The following PTPRM variants were observed in gnomAD, a reference collection of about 807,000 sequenced individuals.
PTPRM encodes the protein receptor-type tyrosine-protein phosphatase mu.
Under a neutral mutation model 186.7 loss-of-function variants are expected in PTPRM, and 47 were observed. That is an observed-to-expected ratio of 0.25 (90% confidence interval 0.20 to 0.32). The LOEUF is 0.32. Ranked by LOEUF, PTPRM falls within the 10% of genes least tolerant of loss-of-function variation. The pLI is 1.00. For missense variants in PTPRM, 1,494 were observed against 1,865.0 expected (o/e 0.80, Z 3.66); for synonymous variants, 668 against 674.9 (o/e 0.99, Z 0.16).
intron 19 of PTPRM, among the ~76,000 whole-genome samples, chr18:8,276,594 A>G (rs1449358902): frequency 1.3e-5 from 2 of 152,202 alleles, no homozygotes; most frequent in Non-Finnish European, 2.9e-5. Context: ...TCATTTAAGC[A>G]TCAGCACAGC....
chr18:8,283,038 A>G (rs2094920303), intron 19 of PTPRM, among the ~76,000 whole-genome samples: 1 of 152,214 alleles, frequency 6.6e-6, no homozygotes, highest in African/African-American at 2.4e-5. Flanking sequence ...AGAGAGATGA[A>G]CAGTAGACTA....
intron 19 of PTPRM, among the ~76,000 whole-genome samples, chr18:8,267,185 T>C (rs1017591086): frequency 6.6e-6 from 1 of 152,194 alleles, no homozygotes; most frequent in Non-Finnish European, 1.5e-5. Flanking sequence ...AATATTTTAC[T>C]TGGCTGATTA....
rs145691670 is a variant in PTPRM, at chr18:8,328,029, C to G, written c.2956+8815C>G. ...GGAAATATTTACAGAGCCTCAAACA[C>G]TGCACAACAGTTCAAACTTTGTTGT... On this transcript the variant is annotated intron_variant, in intron 22 of 32. Coordinates refer to ENST00000580170, the MANE Select transcript of PTPRM (RefSeq NM_001105244.2). 2.7e-3 allele frequency among the ~76,000 whole-genome samples: 416 copies of G among 152,344 alleles called. 2 individuals carry two copies. Among genetic ancestry groups the G allele is most frequent in the African/African-American group, 9.3e-3 (387 of 41,592 alleles).
At chr18:7,577,358 T>C (rs781511560) in intron 1 of PTPRM, among the ~76,000 whole-genome samples, 6 of 152,228 alleles carry the variant, frequency 3.9e-5, no homozygotes, top group Non-Finnish European at 8.8e-5. Context: ...TGAAATTTAC[T>C]ATGCAGTAGA....
intron 9 of PTPRM, among the ~76,000 whole-genome samples, chr18:8,079,523 CTG>C (rs1270825324): frequency 1.3e-5 from 2 of 152,044 alleles, no homozygotes; most frequent in Non-Finnish European, 1.5e-5. Flanking sequence ...AAGGTAGAAA[CTG>C]TAGTGCAAAT....
At chr18:7,973,711 AT>A (rs1415402037) in intron 7 of PTPRM, among the ~76,000 whole-genome samples, 1 of 152,132 alleles carries the variant, frequency 6.6e-6, no homozygotes, top group African/African-American at 2.4e-5. Flanking sequence ...TTTATCAATT[AT>A]ATCTTTTAGG....
chr18:8,021,317 G>GACACACACAC (rs35335855), intron 7 of PTPRM, among the ~76,000 whole-genome samples: 1 of 142,874 alleles, frequency 7.0e-6, no homozygotes, highest in Admixed American at 7.1e-5. Context: ...GCATAAAAGA[G>GACACACACAC]ACACACACAC....
At chr18:8,091,736 C>T (rs1232101318) in intron 11 of PTPRM, among the ~76,000 whole-genome samples, 2 of 151,806 alleles carry the variant, frequency 1.3e-5, no homozygotes, top group Non-Finnish European at 2.9e-5. Flanking sequence ...TGTATAGTAC[C>T]CTCTAACTAA....
intron 19 of PTPRM, among the ~76,000 whole-genome samples, chr18:8,287,561 G>A (rs1473966164): frequency 6.6e-6 from 1 of 152,214 alleles, no homozygotes; most frequent in Non-Finnish European, 1.5e-5. Context: ...AAGGAAGGGA[G>A]CAGCTGAATT....
intron 13 of PTPRM, among the ~76,000 whole-genome samples, chr18:8,117,745 T>C (rs750049071): frequency 6.6e-6 from 1 of 152,178 alleles, no homozygotes; most frequent in African/African-American, 2.4e-5. Flanking sequence ...ATATTCTCTC[T>C]TGAGTTAAAA....
intron 7 of PTPRM, among the ~76,000 whole-genome samples, chr18:8,061,789 A>T: frequency 9.3e-6 from 1 of 107,036 alleles, no homozygotes; most frequent in African/African-American, 3.8e-5. Flanking sequence ...ATTGGCTCCC[A>T]CTCTCTTCTG....
chr18:8,199,406 G>A (rs1028306116), intron 14 of PTPRM, among the ~76,000 whole-genome samples: 5 of 152,130 alleles, frequency 3.3e-5, no homozygotes, highest in East Asian at 1.9e-4. Context: ...AAAAGAGAAC[G>A]TTTACACCCT....
chr18:8,019,106 A>G (rs1227394069), intron 7 of PTPRM, among the ~76,000 whole-genome samples: 1 of 152,206 alleles, frequency 6.6e-6, no homozygotes, highest in Non-Finnish European at 1.5e-5. Flanking sequence ...TTCTAGATAG[A>G]TAGTGTCATC....
chr18:8,042,155 G>GA (rs918310664), intron 7 of PTPRM, among the ~76,000 whole-genome samples: 3 of 152,010 alleles, frequency 2.0e-5, no homozygotes, highest in African/African-American at 7.2e-5. Context: ...GGTAATTTAA[G>GA]AAAAAATATA....
intron 2 of PTPRM, among the ~76,000 whole-genome samples, chr18:7,877,869 A>G (rs1402789371): frequency 6.6e-6 from 1 of 152,180 alleles, no homozygotes; most frequent in Non-Finnish European, 1.5e-5. Context: ...TCATAAGGTC[A>G]CAGAACTAGC....
chr18:8,341,613 G>C (rs951021660), intron 22 of PTPRM, among the ~76,000 whole-genome samples: 2 of 152,036 alleles, frequency 1.3e-5, no homozygotes, highest in Non-Finnish European at 2.9e-5. Flanking sequence ...TCATCCACTA[G>C]AGCCATTGTC....
chr18:7,926,465 G>A (rs113840815), intron 4 of PTPRM, 103 bp from the exon 5 acceptor site: 1 of 629,918 alleles, frequency 1.6e-6, no homozygotes, highest in Non-Finnish European at 2.5e-6. Flanking sequence ...TTTTCCCAAG[G>A]TGAACAAAAT....
At position 8,303,742 on chromosome 18, in the gene PTPRM, T is replaced by A. The variant is rs530346595; in HGVS notation, c.2842+7287T>A. The stretch of plus-strand genomic sequence containing the variant: ...ACCAACAGGAAGAGGAAAATTCATA[T>A]GGAGCCACCATCATCGAACTCAAAC... On this transcript the variant is annotated intron_variant, in intron 20 of 32. Transcript: ENST00000580170. 5.3e-5 allele frequency among the ~76,000 whole-genome samples: 8 copies of A among 152,282 alleles called. No individual in the cohort carries two copies. The South Asian group carries it at 1.7e-3, about 32-fold the overall frequency.
At chr18:8,287,465 GTTTA>G (rs2094969423) in intron 19 of PTPRM, among the ~76,000 whole-genome samples, 1 of 152,156 alleles carries the variant, frequency 6.6e-6, no homozygotes, top group Non-Finnish European at 1.5e-5. Context: ...TCTGGGACAA[GTTTA>G]TAAACTGGAG....
Sources: allele counts gnomAD v4.1 joint callset (sites outside exome capture counted in the v4.1 genomes callset), GRCh38; gene constraint gnomAD v4.1.1; transcripts MANE v1.5; gene names NCBI Gene and HGNC (gene_info 2026-07-23, HGNC 2026-07-21).